The following TCF4 variants were observed in gnomAD, a reference collection of about 807,000 sequenced individuals.
The protein encoded by TCF4 is transcription factor 4.
TCF4 carries 3 observed loss-of-function variants against 82.1 expected under a neutral mutation model. That is an observed-to-expected ratio of 0.04 (90% CI 0.02 to 0.09). TCF4 has a LOEUF of 0.09. Ranked by LOEUF, TCF4 falls within the 10% of genes least tolerant of loss-of-function variation. The probability of loss-of-function intolerance (pLI) is 1.00; values close to 1 mark genes in which losing one functional copy is unlikely to be tolerated. For synonymous variants in TCF4, 276 were observed against 309.6 expected (o/e 0.89, Z 1.14); for missense variants, 518 against 852.7 (o/e 0.61, Z 4.89).
chr18:55,400,924 T>G lies in TCF4; in HGVS notation c.369+2530A>C, dbSNP rs1030114147. 3.1e-6 allele frequency: 4 copies of G among 1,281,618 alleles called. No individual in the cohort carries two copies. In the African/African-American group the frequency reaches 6.1e-5, roughly 20 times the overall value. The allele number at this position is 1,281,618 out of a possible 1,614,324, so 79.4% of individuals were successfully genotyped here. ...TTGGAGCTCCTTAGGGCACACCATC[T>G]GAAGGTTTCCTATTCCGTATCTCAA... On this transcript the variant is annotated intron_variant, in intron 6 of 19. Coordinates refer to ENST00000354452, the MANE Select transcript of TCF4 (RefSeq NM_001083962.2).
At chr18:55,392,697 T>C (rs1366889588) in intron 6 of TCF4, among the ~76,000 whole-genome samples, 3 of 152,156 alleles carry the variant, frequency 2.0e-5, no homozygotes, top group Non-Finnish European at 4.4e-5. Flanking sequence ...TGTTGTTTTG[T>C]TTTGTTTTTT....
intron 3 of TCF4, among the ~76,000 whole-genome samples, chr18:55,566,883 A>C (rs2097413474): frequency 6.6e-6 from 1 of 152,220 alleles, no homozygotes; most frequent in African/African-American, 2.4e-5. Context: ...AGATGCATGA[A>C]GAACAATGTA....
intron 15 of TCF4, among the ~76,000 whole-genome samples, chr18:55,250,537 C>T (rs900466219): frequency 2.6e-5 from 4 of 152,144 alleles, no homozygotes; most frequent in African/African-American, 7.2e-5. Flanking sequence ...GTTTAAATCC[C>T]GCTGCAGGAC....
intron 16 of TCF4, chr18:55,234,290 T>C (rs1170156905): frequency 1.7e-6 from 1 of 582,218 alleles, no homozygotes; most frequent in Non-Finnish European, 3.0e-6. Context: ...TAAAATTTCC[T>C]CTCATCAGTC....
chr18:55,506,401 T>C (rs2096760246), intron 3 of TCF4, among the ~76,000 whole-genome samples: 1 of 152,220 alleles, frequency 6.6e-6, no homozygotes, highest in South Asian at 2.1e-4. Flanking sequence ...CTTTTGATAA[T>C]ATATTTTATT....
At chr18:55,397,164 A>G (rs958948993) in intron 6 of TCF4, among the ~76,000 whole-genome samples, 2 of 152,234 alleles carry the variant, frequency 1.3e-5, no homozygotes, top group African/African-American at 2.4e-5. Context: ...ACTTTTGCCA[A>G]GTGATTAAAG....
intron 2 of TCF4, among the ~76,000 whole-genome samples, chr18:55,622,057 A>G (rs1433108374): frequency 7.2e-6 from 1 of 138,260 alleles, no homozygotes; most frequent in African/African-American, 2.7e-5. Context: ...TATAATATAT[A>G]TACACTGTAT....
At chr18:55,293,963 T>TTTTTTTA (rs11444091) in intron 8 of TCF4, among the ~76,000 whole-genome samples, 1 of 139,958 alleles carries the variant, frequency 7.1e-6, no homozygotes, top group Non-Finnish European at 1.5e-5. Flanking sequence ...TTTTTTTTTT[T>TTTTTTTA]AGAATTCATA....
At chr18:55,503,597 A>C (rs993339000) in intron 3 of TCF4, among the ~76,000 whole-genome samples, 9 of 152,262 alleles carry the variant, frequency 5.9e-5, no homozygotes, top group East Asian at 3.8e-4. Flanking sequence ...ACTCTGACTC[A>C]TAACTTCCAA....
intron 9 of TCF4, among the ~76,000 whole-genome samples, chr18:55,277,394 T>C (rs956218778): frequency 6.6e-6 from 1 of 152,196 alleles, no homozygotes; most frequent in South Asian, 2.1e-4. Context: ...GACAATGTGA[T>C]ACCCTGGGTG....
chr18:55,534,476 C>G (rs1235331163), intron 3 of TCF4, among the ~76,000 whole-genome samples: 1 of 152,206 alleles, frequency 6.6e-6, no homozygotes, highest in Admixed American at 6.5e-5. Flanking sequence ...CCCCTCTACT[C>G]CCTCGTCAGT....
At chr18:55,246,716 T>A (rs1444165685) in intron 15 of TCF4, among the ~76,000 whole-genome samples, 1 of 152,172 alleles carries the variant, frequency 6.6e-6, no homozygotes, top group Non-Finnish European at 1.5e-5. Context: ...CTGTCCTTTT[T>A]TTTTTCAGTT....
chr18:55,230,467 G>A (rs78857663), intron 17 of TCF4: 4,325 of 152,296 alleles, frequency 0.028, 96 homozygotes, highest in Non-Finnish European at 0.046. Flanking sequence ...GTGCTATAAA[G>A]CTCTGAATGA....
intron 9 of TCF4, among the ~76,000 whole-genome samples, chr18:55,277,225 T>A (rs2061632254): frequency 2.0e-5 from 3 of 152,208 alleles, no homozygotes; most frequent in South Asian, 2.1e-4. Context: ...TGATTTTTTT[T>A]AAAGTTATCA....
intron 5 of TCF4, among the ~76,000 whole-genome samples, chr18:55,455,389 A>C (rs1182808739): frequency 6.6e-6 from 1 of 151,956 alleles, no homozygotes; most frequent in African/African-American, 2.4e-5. Flanking sequence ...ATTTAACATT[A>C]AAGAAATGAA....
chr18:55,253,154 C>T (rs1344271691), intron 15 of TCF4, among the ~76,000 whole-genome samples: 3 of 152,114 alleles, frequency 2.0e-5, no homozygotes, highest in Non-Finnish European at 2.9e-5. Flanking sequence ...AAATTGGTTG[C>T]AGATTTCAAT....
At chr18:55,412,267 A>C (rs960934221) in intron 5 of TCF4, among the ~76,000 whole-genome samples, 6 of 152,078 alleles carry the variant, frequency 3.9e-5, no homozygotes, top group African/African-American at 1.4e-4. Flanking sequence ...CATTTCAGAC[A>C]GTTACATTTC....
intron 8 of TCF4, among the ~76,000 whole-genome samples, chr18:55,342,686 T>C (rs2080258596): frequency 6.6e-6 from 1 of 152,154 alleles, no homozygotes; most frequent in African/African-American, 2.4e-5. Flanking sequence ...TATTAAACTT[T>C]CTTAAGCTAG....
At chr18:55,410,710 A>G (rs2094309870) in intron 5 of TCF4, among the ~76,000 whole-genome samples, 1 of 152,092 alleles carries the variant, frequency 6.6e-6, no homozygotes, top group Non-Finnish European at 1.5e-5. Flanking sequence ...TTCTAGATGT[A>G]TCATTATTAG....
Sources: allele counts gnomAD v4.1 joint callset (sites outside exome capture counted in the v4.1 genomes callset), GRCh38; gene constraint gnomAD v4.1.1; transcripts MANE v1.5; gene names NCBI Gene and HGNC (gene_info 2026-07-23, HGNC 2026-07-21).